Variants in FAT3 observed in about 807,000 individuals in gnomAD.
FAT3 encodes the protein protocadherin Fat 3.
In FAT3, 95 loss-of-function variants were observed where a neutral mutation model predicts 310.2. That is an observed-to-expected ratio of 0.31 (90% CI 0.26 to 0.36). The LOEUF is 0.36. Among genes scored for constraint, FAT3 ranks in the 10% least tolerant of loss-of-function variants. The probability of loss-of-function intolerance (pLI) is 1.00; values close to 1 mark genes in which losing one functional copy is unlikely to be tolerated. For synonymous variants in FAT3, 2,314 were observed against 2,192.9 expected (o/e 1.06, Z -1.54); for missense variants, 5,408 against 5,715.6 (o/e 0.95, Z 1.74).
chr11:92,515,849 T>C lies in FAT3; in HGVS notation c.3293-8785T>C, dbSNP rs867454582. ...AAAGTCATGATAGTGATGATAGTGG[T>C]TGTAATACTGTCTCTGTTTGGAGAT... On this transcript the variant is annotated intron_variant, in intron 2 of 27. Transcript: ENST00000525166. 2.0e-5 allele frequency among the ~76,000 whole-genome samples: 3 copies of C among 152,102 alleles called. No homozygotes were observed. The South Asian group carries it at 6.2e-4, about 32-fold the overall frequency.
chr11:92,317,840 C>G (rs111753813), intron 1 of FAT3, among the ~76,000 whole-genome samples: 39 of 152,268 alleles, frequency 2.6e-4, no homozygotes, highest in African/African-American at 8.7e-4. Flanking sequence ...TCAGCCCTAT[C>G]AAGCTTTGAA....
At chr11:92,767,046 C>T (rs977326487) in intron 6 of FAT3, among the ~76,000 whole-genome samples, 3 of 152,076 alleles carry the variant, frequency 2.0e-5, no homozygotes, top group African/African-American at 7.2e-5. Flanking sequence ...GTCAGAAGTT[C>T]GAGACCAACG....
intron 3 of FAT3, among the ~76,000 whole-genome samples, chr11:92,537,886 T>G (rs926117380): frequency 1.3e-5 from 2 of 152,134 alleles, no homozygotes; most frequent in African/African-American, 4.8e-5. Context: ...GCTGCACAAT[T>G]TTGTTAAAGA....
chr11:92,583,728 T>C (rs1418841917), intron 3 of FAT3, among the ~76,000 whole-genome samples: 1 of 151,996 alleles, frequency 6.6e-6, no homozygotes, highest in Non-Finnish European at 1.5e-5. Flanking sequence ...TAGTTGATGT[T>C]GGTGGAGCTG....
chr11:92,496,885 G>C (rs997768734), intron 2 of FAT3, among the ~76,000 whole-genome samples: 1 of 151,984 alleles, frequency 6.6e-6, no homozygotes, highest in South Asian at 2.1e-4. Flanking sequence ...CCTGGGAAAG[G>C]TTAAAGATTC....
chr11:92,659,878 ATG>A lies in FAT3; in HGVS notation c.3608-37502_3608-37501del, dbSNP rs1480539560. 4.6e-5 allele frequency among the ~76,000 whole-genome samples: 7 copies of A among 152,288 alleles called. No individual in the cohort carries two copies. The East Asian group carries it at 1.4e-3, about 29-fold the overall frequency. On this transcript the variant is annotated intron_variant, in intron 3 of 27. Coordinates refer to ENST00000525166, the MANE Select transcript of FAT3 (RefSeq NM_001367949.2). The stretch of plus-strand genomic sequence containing the variant: ...GCAATTGTGGACACCAACCCTGTGA[ATG>A]TGTTGTTTTTACACAGTAACTCTCT...
intron 4 of FAT3, among the ~76,000 whole-genome samples, chr11:92,716,692 AAGG>A (rs147477716): frequency 4.6e-5 from 7 of 152,266 alleles, no homozygotes; most frequent in South Asian, 4.2e-4. Context: ...GGTTGACATG[AAGG>A]ATTAGGCAAT....
In FAT3 at chr11:92,353,902, T is replaced by C; in HGVS notation, c.1790T>C (p.Ile597Thr). 6.2e-7 allele frequency: 1 copy of C among 1,612,898 alleles called. No homozygotes were observed. Among genetic ancestry groups the C allele is most frequent in the Non-Finnish European group, 8.5e-7 (1 of 1,179,060 alleles). The change falls in exon 2 of 28, where the codon ATC (isoleucine) becomes ACC (threonine). Residue 597 changes from isoleucine to threonine, a missense_variant. By Grantham distance (89) the Ile-to-Thr change is moderately conservative (BLOSUM62 -1). This residue lies in a region of FAT3 where 4,588 missense variants were observed against 4,809.8 expected (regional missense o/e 0.95). Coordinates refer to ENST00000525166, the MANE Select transcript of FAT3 (RefSeq NM_001367949.2). ...ISYDFPVGGH[I>T]TAVSAIDIDE... ...TATGACTTTCCAGTTGGTGGTCACA[T>C]CACAGCAGTCTCAGCGATCGATATC...
At chr11:92,629,991 G>A (rs1941496157) in intron 3 of FAT3, among the ~76,000 whole-genome samples, 1 of 152,178 alleles carries the variant, frequency 6.6e-6, no homozygotes, top group African/African-American at 2.4e-5. Context: ...CTCTCTGGGT[G>A]ATTCTGGTGT....
chr11:92,260,939 C>A (rs758794717), intron 1 of FAT3, among the ~76,000 whole-genome samples: 1 of 151,910 alleles, frequency 6.6e-6, no homozygotes. Flanking sequence ...GCTTTTTGTC[C>A]GCAGATGTTA....
intron 2 of FAT3, among the ~76,000 whole-genome samples, chr11:92,430,627 A>G (rs1444209403): frequency 6.6e-6 from 1 of 151,994 alleles, no homozygotes; most frequent in Non-Finnish European, 1.5e-5. Flanking sequence ...ATCATTTAAC[A>G]TCAGGTATAT....
intron 2 of FAT3, among the ~76,000 whole-genome samples, chr11:92,364,067 G>A (rs1948952198): frequency 6.6e-6 from 1 of 152,000 alleles, no homozygotes; most frequent in Non-Finnish European, 1.5e-5. Context: ...TTGTGTATCA[G>A]GCTTGAGCTG....
intron 7 of FAT3, among the ~76,000 whole-genome samples, chr11:92,785,455 A>G (rs3842933): frequency 0.81 from 123,273 of 151,960 alleles, 50,251 homozygotes; most frequent in Non-Finnish European, 0.85. Context: ...TTTGCATGTA[A>G]TATAATTATA....
At chr11:92,789,767 A>G (rs1946988329) in intron 7 of FAT3, among the ~76,000 whole-genome samples, 176 bp from the exon 8 acceptor site, 1 of 152,146 alleles carries the variant, frequency 6.6e-6, no homozygotes, top group Non-Finnish European at 1.5e-5. Flanking sequence ...CTACTGGTTT[A>G]TTGTCAACCT....
intron 7 of FAT3, among the ~76,000 whole-genome samples, chr11:92,782,048 A>G (rs1195108246): frequency 6.6e-6 from 1 of 152,298 alleles, no homozygotes; most frequent in East Asian, 1.9e-4. Context: ...GGTGGCTCAC[A>G]TATGAATCCC....
chr11:92,537,601 G>A (rs1053086997), intron 3 of FAT3, among the ~76,000 whole-genome samples: 1 of 151,976 alleles, frequency 6.6e-6, no homozygotes, highest in Non-Finnish European at 1.5e-5. Flanking sequence ...TGGAATTGTG[G>A]AGTTATAAAC....
rs2136198555 is a variant in FAT3, at chr11:92,805,160, C to G, written c.8904C>G (p.Asn2968Lys). 6.2e-7 allele frequency: 1 copy of G among 1,607,082 alleles called. No individual in the cohort carries two copies. The highest frequency in any genetic ancestry group is 8.5e-7 in the Non-Finnish European group (1 of 1,175,746). ...RQVSYHITGG[N>K]PRGRFALGLV... ...TTGTTTTTTTAACTGCAGGAGGAAACCCTCGAGGAAGGTTTGCTCTGGGCC... is the reference window on the plus strand; with the variant it reads ...TTGTTTTTTTAACTGCAGGAGGAAAGCCTCGAGGAAGGTTTGCTCTGGGCC... Residue 2968 changes from asparagine (N) to lysine (K), a missense_variant, in exon 11 of 28, where the codon AAC (asparagine) becomes AAG (lysine). Coordinates refer to ENST00000525166, the MANE Select transcript of FAT3 (RefSeq NM_001367949.2).
intron 1 of FAT3, among the ~76,000 whole-genome samples, chr11:92,250,625 G>A (rs1254793000): frequency 6.6e-6 from 1 of 152,086 alleles, no homozygotes; most frequent in African/African-American, 2.4e-5. Context: ...GAAAAAGAAA[G>A]CAAAACTGCA....
chr11:92,747,554 G>C (rs1481602093), intron 4 of FAT3, among the ~76,000 whole-genome samples: 2 of 152,188 alleles, frequency 1.3e-5, no homozygotes. Flanking sequence ...TAACATTTGG[G>C]TCCTCATTAC....
Sources: allele counts gnomAD v4.1 joint callset (sites outside exome capture counted in the v4.1 genomes callset), GRCh38; gene constraint gnomAD v4.1.1; regional missense constraint gnomAD v4.1.1; transcripts MANE v1.5; gene names NCBI Gene and HGNC (gene_info 2026-07-23, HGNC 2026-07-21).